ITFG1: variants seen among roughly 807,000 people sequenced by gnomAD.
ITFG1 encodes the protein T-cell immunomodulatory protein.
A neutral mutation model predicts 81.8 loss-of-function variants in ITFG1; 34 were observed. That is an observed-to-expected ratio of 0.42 (90% confidence interval 0.32 to 0.55). The LOEUF (loss-of-function observed/expected upper bound fraction) is 0.55, where lower values mean the gene tolerates loss of function less well. ITFG1 is among the 20% of genes least tolerant of loss of function. ITFG1 has a pLI of 0.17. For missense variants in ITFG1, 672 were observed against 755.4 expected (o/e 0.89, Z 1.29); for synonymous variants, 285 against 270.6 (o/e 1.05, Z -0.52).
chr16:47,344,475 C>G (rs1260291456), intron 8 of ITFG1, among the ~76,000 whole-genome samples: 1 of 152,088 alleles, frequency 6.6e-6, no homozygotes, highest in African/African-American at 2.4e-5. Flanking sequence ...AAATGGAAGA[C>G]TTTTATGATA....
chr16:47,426,189 T>A (rs957974151), intron 6 of ITFG1: 1 of 152,150 alleles, frequency 6.6e-6, no homozygotes, highest in African/African-American at 2.4e-5. Context: ...TTTGCATGTC[T>A]AGGAAAGACT....
chr16:47,376,046 C>T, intron 6 of ITFG1, 106 bp from the exon 7 acceptor site: 2 of 585,692 alleles, frequency 3.4e-6, no homozygotes, highest in Non-Finnish European at 6.0e-6. Flanking sequence ...CACAATTCTA[C>T]TTAAACATAT....
At chr16:47,444,320 A>C (rs1393613349) in intron 5 of ITFG1, among the ~76,000 whole-genome samples, 1 of 152,238 alleles carries the variant, frequency 6.6e-6, no homozygotes, top group Non-Finnish European at 1.5e-5. Context: ...AATGCAGCTA[A>C]AATAATTTAT....
intron 9 of ITFG1, among the ~76,000 whole-genome samples, chr16:47,312,427 C>A (rs1289799400): frequency 6.6e-6 from 1 of 151,720 alleles, no homozygotes; most frequent in Non-Finnish European, 1.5e-5. Context: ...GTATCTCCAA[C>A]AATTTATGTA....
intron 6 of ITFG1, among the ~76,000 whole-genome samples, chr16:47,383,873 C>T (rs1968426641): frequency 6.6e-6 from 1 of 152,196 alleles, no homozygotes; most frequent in Non-Finnish European, 1.5e-5. Flanking sequence ...CATTGCACTC[C>T]AACCTGGGCA....
At chr16:47,380,431 C>T (rs546023468) in intron 6 of ITFG1, among the ~76,000 whole-genome samples, 71 of 152,246 alleles carry the variant, frequency 4.7e-4, no homozygotes, top group East Asian at 1.2e-3. Flanking sequence ...CTGGACACTA[C>T]GCCAAAAAGT....
intron 10 of ITFG1, among the ~76,000 whole-genome samples, chr16:47,298,120 C>G (rs983262752): frequency 2.0e-5 from 3 of 151,944 alleles, no homozygotes; most frequent in African/African-American, 7.2e-5. Context: ...TTTCAACTGT[C>G]TTGTTTAATT....
At chr16:47,358,427 T>C (rs561287658) in intron 8 of ITFG1, among the ~76,000 whole-genome samples, 1 of 152,372 alleles carries the variant, frequency 6.6e-6, no homozygotes, top group South Asian at 2.1e-4. Flanking sequence ...ATGTATGTTG[T>C]TATCTACTGG....
intron 6 of ITFG1, among the ~76,000 whole-genome samples, chr16:47,415,592 T>C (rs1000316735): frequency 2.0e-5 from 3 of 152,060 alleles, no homozygotes; most frequent in South Asian, 2.1e-4. Context: ...AAAACAGAAA[T>C]GGTTTTCACA....
At chr16:47,211,461 T>G (rs1965559644) in intron 14 of ITFG1, among the ~76,000 whole-genome samples, 1 of 152,216 alleles carries the variant, frequency 6.6e-6, no homozygotes, top group Non-Finnish European at 1.5e-5. Context: ...TATACAATTA[T>G]GTCATCTGGA....
chr16:47,166,367 G>T (rs1964889799), intron 14 of ITFG1, among the ~76,000 whole-genome samples: 2 of 152,188 alleles, frequency 1.3e-5, no homozygotes, highest in South Asian at 2.1e-4. Flanking sequence ...AAAATGAAGA[G>T]ATAATCATTA....
chr16:47,392,345 A>G (rs760029636), intron 6 of ITFG1, among the ~76,000 whole-genome samples: 23 of 152,180 alleles, frequency 1.5e-4, no homozygotes, highest in Non-Finnish European at 3.2e-4. Context: ...ATCTGGGGGA[A>G]GAGCGTCCTG....
In ITFG1 at chr16:47,346,444, G is replaced by C. The variant is rs180879154; in HGVS notation, c.802+19344C>G. 6.6e-5 allele frequency among the ~76,000 whole-genome samples: 10 copies of C among 152,268 alleles called. No homozygotes were observed. The East Asian group carries it at 1.9e-3, about 29-fold the overall frequency. ...AGCAGTAGTCAGAGGGATGACTACA[G>C]CAATAAACACATATCTCAGAAAAGA... On this transcript the variant is annotated intron_variant, in intron 8 of 17. Transcript: ENST00000320640.
At chr16:47,429,176 T>A (rs1172293721) in intron 5 of ITFG1, among the ~76,000 whole-genome samples, 1 of 152,194 alleles carries the variant, frequency 6.6e-6, no homozygotes. Flanking sequence ...ATTCTGTCTC[T>A]ATTCAGGACA....
intron 8 of ITFG1, chr16:47,317,726 T>C (rs577177076): frequency 1.3e-5 from 2 of 152,338 alleles, no homozygotes; most frequent in South Asian, 2.1e-4. Flanking sequence ...TGGTCCCCCA[T>C]TGATGCCAGG....
In ITFG1 at chr16:47,375,943, A is replaced by G. The variant is rs769692364; in HGVS notation, c.656-3T>C. ...ATTCAATGTCGTCAGGAATAAATCT[A>G]GAAGGAAAAATAATAAAAACGTAAA... On this transcript the variant is annotated splice_region_variant and splice_polypyrimidine_tract_variant and intron_variant, in intron 6 of 17. Transcript: ENST00000320640. 2 of 1,589,618 alleles carry G rather than the reference A, an allele frequency of 1.3e-6. No individual in the cohort carries two copies. The highest frequency in any genetic ancestry group is 8.6e-7 in the Non-Finnish European group (1 of 1,160,288).
intron 10 of ITFG1, among the ~76,000 whole-genome samples, chr16:47,284,895 T>C (rs1326140293): frequency 6.6e-6 from 1 of 152,242 alleles, no homozygotes; most frequent in Non-Finnish European, 1.5e-5. Context: ...GAATTTATGG[T>C]GTAATATTTA....
intron 10 of ITFG1, among the ~76,000 whole-genome samples, chr16:47,296,049 T>C (rs1032284940): frequency 3.3e-5 from 5 of 152,002 alleles, no homozygotes; most frequent in African/African-American, 1.2e-4. Context: ...CAGGCATGCA[T>C]CACCATGTCC....
rs1968007617 is a variant in ITFG1 at position 47,354,216 on chromosome 16, T to C, written c.802+11572A>G. Reference sequence around the variant, plus strand: ...TCATAAAAACAGAAACATAGACCAATAGAACAGAATATGAATACAGATATA... The same window carrying C: ...TCATAAAAACAGAAACATAGACCAACAGAACAGAATATGAATACAGATATA... On this transcript the variant is annotated intron_variant, in intron 8 of 17. Coordinates refer to ENST00000320640, the MANE Select transcript of ITFG1 (RefSeq NM_030790.5). 2.6e-5 allele frequency among the ~76,000 whole-genome samples: 4 copies of C among 152,108 alleles called. No homozygotes were observed. In the South Asian group the frequency reaches 6.2e-4, roughly 24 times the overall value.
Sources: gnomAD v4.1 joint callset for allele counts (sites outside exome capture counted in the v4.1 genomes callset) on GRCh38, gnomAD v4.1.1 for gene constraint, MANE v1.5 for transcripts, NCBI Gene and HGNC (gene_info 2026-07-23, HGNC 2026-07-21) for gene names.